Variants in SYN3 observed in about 807,000 individuals in gnomAD.
SYN3 encodes synapsin III, also known as synapsin-3.
SYN3 carries 35 observed loss-of-function variants against 65.8 expected under a neutral mutation model. The ratio of observed to expected loss-of-function variants is 0.53; its 90% confidence interval spans 0.41 to 0.70. The LOEUF (loss-of-function observed/expected upper bound fraction) is 0.70, where lower values mean the gene tolerates loss of function less well. Ranked by LOEUF, SYN3 falls within the 30% of genes least tolerant of loss-of-function variation. SYN3 has a pLI of 0.00. For missense variants in SYN3, 680 were observed against 749.0 expected (o/e 0.91, Z 1.08); for synonymous variants, 270 against 292.9 (o/e 0.92, Z 0.80).
chr22:32,750,762 T>G (rs1195080623), intron 6 of SYN3, among the ~76,000 whole-genome samples: 1 of 151,850 alleles, frequency 6.6e-6, no homozygotes, highest in Non-Finnish European at 1.5e-5. Flanking sequence ...TGTTAACGGA[T>G]TTGATTGGGT....
intron 3 of SYN3, among the ~76,000 whole-genome samples, chr22:32,948,948 A>G (rs901146467): frequency 6.6e-6 from 1 of 151,610 alleles, no homozygotes; most frequent in Admixed American, 6.6e-5. Flanking sequence ...CAGGTTGAAC[A>G]TTCCTTATCT....
At chr22:32,934,692 C>A (rs2146714159) in intron 3 of SYN3, among the ~76,000 whole-genome samples, 1 of 152,250 alleles carries the variant, frequency 6.6e-6, no homozygotes, top group Middle Eastern at 3.4e-3. Flanking sequence ...GAATTGTATT[C>A]CTCAAAAAGC....
At chr22:32,923,330 G>A (rs1334464988) in intron 4 of SYN3, among the ~76,000 whole-genome samples, 4 of 152,166 alleles carry the variant, frequency 2.6e-5, no homozygotes, top group Non-Finnish European at 4.4e-5. Flanking sequence ...ATTGGATGCT[G>A]TCTGACCACA....
At chr22:32,896,051 G>C (rs534099254) in intron 4 of SYN3, among the ~76,000 whole-genome samples, 1 of 152,262 alleles carries the variant, frequency 6.6e-6, no homozygotes, top group East Asian at 1.9e-4. Context: ...CTAGACATAG[G>C]TCAAGCCTTC....
chr22:32,675,314 C>T (rs2060424661), intron 6 of SYN3, among the ~76,000 whole-genome samples: 1 of 152,182 alleles, frequency 6.6e-6, no homozygotes, highest in Non-Finnish European at 1.5e-5. Flanking sequence ...CCTCACCTAA[C>T]ACAACCCTGT....
At chr22:32,606,457 G>C (rs2059373628) in intron 6 of SYN3, among the ~76,000 whole-genome samples, 1 of 152,206 alleles carries the variant, frequency 6.6e-6, no homozygotes, top group African/African-American at 2.4e-5. Context: ...AGGAGGAGGA[G>C]CACAGACAAG....
chr22:32,650,909 CT>C (rs1328458475), intron 6 of SYN3, among the ~76,000 whole-genome samples: 2 of 152,098 alleles, frequency 1.3e-5, no homozygotes, highest in Non-Finnish European at 2.9e-5. Flanking sequence ...ATTTTATTAC[CT>C]TATAACAGCT....
chr22:32,653,142 C>T (rs142986686), intron 6 of SYN3, among the ~76,000 whole-genome samples: 38 of 152,144 alleles, frequency 2.5e-4, no homozygotes, highest in African/African-American at 8.0e-4. Context: ...TTCCATGTAA[C>T]GAATATGTTG....
intron 4 of SYN3, among the ~76,000 whole-genome samples, chr22:32,873,558 A>C (rs952029006): frequency 1.3e-5 from 2 of 152,040 alleles, no homozygotes; most frequent in African/African-American, 4.8e-5. Flanking sequence ...TTTTCTAGAA[A>C]CAGAGCCCAT....
intron 4 of SYN3, among the ~76,000 whole-genome samples, chr22:32,873,246 C>T (rs887659509): frequency 3.4e-5 from 5 of 147,328 alleles, no homozygotes; most frequent in African/African-American, 1.3e-4. Flanking sequence ...CCACCGTGCC[C>T]GGCCAGCATT....
At chr22:32,881,564 C>T (rs241902) in intron 4 of SYN3, among the ~76,000 whole-genome samples, 36,703 of 152,066 alleles carry the variant, frequency 0.24, 4,577 homozygotes, top group South Asian at 0.41. Context: ...AATCACCCAT[C>T]TCCGCCCCCA....
intron 1 of SYN3, among the ~76,000 whole-genome samples, chr22:33,029,352 AT>A (rs2053708607): frequency 6.6e-6 from 1 of 151,808 alleles, no homozygotes; most frequent in Admixed American, 6.6e-5. Flanking sequence ...TTTAATGTTT[AT>A]TTTTATTTTT....
chr22:32,819,328 G>A lies in SYN3; in HGVS notation c.711+45587C>T, dbSNP rs74929625. On this transcript the variant is annotated intron_variant, in intron 6 of 13. Coordinates refer to ENST00000358763, the MANE Select transcript of SYN3 (RefSeq NM_003490.4). ...GCATCTCAGGACACAAAGAGGACACGATGCCTTGCTGGTGAGGTCCTGCGG... is the reference window on the plus strand; with the variant it reads ...GCATCTCAGGACACAAAGAGGACACAATGCCTTGCTGGTGAGGTCCTGCGG... Among the ~76,000 whole-genome samples, 903 of 152,330 alleles carry A rather than the reference G, an allele frequency of 5.9e-3. 6 individuals carry two copies. The highest frequency in any genetic ancestry group is 0.02 in the African/African-American group (832 of 41,580).
At chr22:32,538,424 AG>A (rs1356130629) in intron 8 of SYN3, among the ~76,000 whole-genome samples, 2 of 152,114 alleles carry the variant, frequency 1.3e-5, no homozygotes, top group Non-Finnish European at 2.9e-5. Flanking sequence ...GAGGAGAATG[AG>A]GGCAGTGTGT....
Position 32,866,992 on chromosome 22 carries a change from G to A in SYN3, c.621+1974C>T, listed in dbSNP as rs114675365. The stretch of plus-strand genomic sequence containing the variant: ...TAAATCATAACCCTACCAGGAAGGC[G>A]CTATTACTACCACCACTTTCCAAAT... On this transcript the variant is annotated intron_variant, in intron 5 of 13. Coordinates refer to ENST00000358763, the MANE Select transcript of SYN3 (RefSeq NM_003490.4). Among the ~76,000 whole-genome samples the A allele has an allele frequency of 4.3e-3, 650 of 152,196 alleles. 1 individual carries two copies. The highest frequency in any genetic ancestry group is 0.015 in the African/African-American group (615 of 41,534).
intron 6 of SYN3, among the ~76,000 whole-genome samples, chr22:32,816,762 C>G (rs1311819041): frequency 3.3e-5 from 5 of 152,262 alleles, no homozygotes; most frequent in African/African-American, 4.8e-5. Flanking sequence ...GCCTCCTTGT[C>G]TTGCTGAGAA....
At chr22:32,553,401 G>T (rs529843430) in intron 7 of SYN3, among the ~76,000 whole-genome samples, 1 of 152,152 alleles carries the variant, frequency 6.6e-6, no homozygotes, top group East Asian at 1.9e-4. Flanking sequence ...GATATCAAAA[G>T]GAAATCTGGA....
chr22:32,528,283 T>C (rs2058015155), intron 11 of SYN3, among the ~76,000 whole-genome samples: 1 of 152,156 alleles, frequency 6.6e-6, no homozygotes, highest in African/African-American at 2.4e-5. Flanking sequence ...GATTCTGATG[T>C]TTGTTATCAT....
At chr22:32,609,127 A>T (rs1187089573) in intron 6 of SYN3, among the ~76,000 whole-genome samples, 1 of 152,072 alleles carries the variant, frequency 6.6e-6, no homozygotes, top group East Asian at 1.9e-4. Context: ...GATCGAGACC[A>T]TCCTGGCTAA....
Sources: allele counts gnomAD v4.1 joint callset (sites outside exome capture counted in the v4.1 genomes callset), GRCh38; gene constraint gnomAD v4.1.1; transcripts MANE v1.5; gene names NCBI Gene and HGNC (gene_info 2026-07-23, HGNC 2026-07-21).